Variants in CADM2 observed in about 807,000 individuals in gnomAD.
The protein encoded by CADM2 is immunoglobulin superfamily member 4D.
CADM2 carries 12 observed loss-of-function variants against 49.8 expected under a neutral mutation model. That is an observed-to-expected ratio of 0.24 (90% CI 0.15 to 0.39). The LOEUF (loss-of-function observed/expected upper bound fraction) is 0.39. Ranked by LOEUF, CADM2 falls within the 10% of genes least tolerant of loss-of-function variation. The pLI is 1.00. For synonymous variants in CADM2, 214 were observed against 175.4 expected, an observed-to-expected ratio of 1.22 and a Z score of -1.74; for missense variants, 378 against 492.3, an observed-to-expected ratio of 0.77 and a Z score of 2.20.
At chr3:85,924,749 T>C (rs1330884285) in intron 6 of CADM2, among the ~76,000 whole-genome samples, 4 of 152,180 alleles carry the variant, frequency 2.6e-5, no homozygotes, top group Non-Finnish European at 5.9e-5. Flanking sequence ...CTTCTATGCC[T>C]CTCCTAGATA....
At chr3:85,050,030 G>A (rs2035822092) in intron 1 of CADM2, among the ~76,000 whole-genome samples, 1 of 151,696 alleles carries the variant, frequency 6.6e-6, no homozygotes, top group Admixed American at 6.6e-5. Context: ...TCATTTCATC[G>A]GCCTTCTTGG....
At chr3:85,058,660 G>A (rs948993507) in intron 1 of CADM2, among the ~76,000 whole-genome samples, 1 of 151,782 alleles carries the variant, frequency 6.6e-6, no homozygotes, top group African/African-American at 2.4e-5. Flanking sequence ...GGTCAGGTTG[G>A]TCTCTAACTC....
In CADM2 at chr3:85,540,301, C is replaced by T. The variant is rs560607134; in HGVS notation, c.62-186221C>T. Among the ~76,000 whole-genome samples the T allele has an allele frequency of 1.4e-4, 21 of 152,238 alleles. No individual in the cohort carries two copies. In the South Asian group the frequency reaches 3.9e-3, roughly 29 times the overall value. On this transcript the variant is annotated intron_variant, in intron 1 of 9. Transcript: ENST00000383699. ...AACACACCAGAGCCTCTTAACAGTA[C>T]TCTACCTACCAAGTATTTTGACTTT...
intron 1 of CADM2, among the ~76,000 whole-genome samples, chr3:85,123,555 T>C (rs1489619175): frequency 6.6e-6 from 1 of 152,120 alleles, no homozygotes; most frequent in Non-Finnish European, 1.5e-5. Context: ...TTTAAGTATT[T>C]AGACATTTAT....
chr3:85,586,489 C>G (rs1437486044), intron 1 of CADM2, among the ~76,000 whole-genome samples: 1 of 152,068 alleles, frequency 6.6e-6, no homozygotes, highest in Admixed American at 6.6e-5. Context: ...TTTCATAATA[C>G]AGTTGCTATT....
At chr3:85,291,219 T>G (rs375877459) in intron 1 of CADM2, among the ~76,000 whole-genome samples, 53 of 151,888 alleles carry the variant, frequency 3.5e-4, no homozygotes, top group Admixed American at 7.9e-4. Flanking sequence ...GAAATGAAGC[T>G]AGAAGGGAAG....
At chr3:85,252,565 A>G (rs1257491133) in intron 1 of CADM2, among the ~76,000 whole-genome samples, 2 of 152,064 alleles carry the variant, frequency 1.3e-5, no homozygotes, top group Admixed American at 1.3e-4. Context: ...GGTGCATACT[A>G]CATTTCAGAT....
intron 2 of CADM2, among the ~76,000 whole-genome samples, chr3:85,765,201 A>G (rs986188877): frequency 5.9e-5 from 9 of 152,054 alleles, no homozygotes; most frequent in African/African-American, 2.2e-4. Context: ...TATTATTCTG[A>G]TGTCCTCTGG....
chr3:85,335,521 A>G (rs2600942), intron 1 of CADM2, among the ~76,000 whole-genome samples: 102,978 of 151,192 alleles, frequency 0.68, 35,901 homozygotes, highest in African/African-American at 0.82. Flanking sequence ...ACAAATTGGA[A>G]TTATTAGCAT....
chr3:85,161,728 A>C (rs1052212189), intron 1 of CADM2, among the ~76,000 whole-genome samples: 1 of 152,106 alleles, frequency 6.6e-6, no homozygotes, highest in African/African-American at 2.4e-5. Context: ...ATACAATAGA[A>C]ATTTCAAGGC....
intron 1 of CADM2, among the ~76,000 whole-genome samples, chr3:84,973,853 A>G (rs1259860022): frequency 6.6e-6 from 1 of 152,200 alleles, no homozygotes; most frequent in East Asian, 1.9e-4. Context: ...CTATACTAAC[A>G]TAATTTGGCT....
intron 8 of CADM2, among the ~76,000 whole-genome samples, chr3:86,040,721 A>G (rs1423207245): frequency 6.6e-6 from 1 of 152,190 alleles, no homozygotes; most frequent in Non-Finnish European, 1.5e-5. Flanking sequence ...AGATTCAGGA[A>G]ATACAGAGAA....
intron 1 of CADM2, among the ~76,000 whole-genome samples, chr3:85,249,352 C>G (rs1428225969): frequency 6.6e-6 from 1 of 151,942 alleles, no homozygotes; most frequent in Non-Finnish European, 1.5e-5. Flanking sequence ...TAACTAGTCC[C>G]AACCAGACTA....
intron 5 of CADM2, among the ~76,000 whole-genome samples, chr3:85,897,340 G>T (rs1715372236): frequency 7.8e-6 from 1 of 128,020 alleles, no homozygotes; most frequent in South Asian, 2.6e-4. Flanking sequence ...CGCAATCTCG[G>T]CTCACTGCAA....
At chr3:86,020,355 A>G (rs1258088001) in intron 8 of CADM2, among the ~76,000 whole-genome samples, 1 of 151,994 alleles carries the variant, frequency 6.6e-6, no homozygotes, top group Non-Finnish European at 1.5e-5. Context: ...ATAGCTTACC[A>G]ACCAAAAAGA....
chr3:85,718,892 T>C (rs1366038773), intron 1 of CADM2, among the ~76,000 whole-genome samples: 1 of 86,640 alleles, frequency 1.2e-5, no homozygotes, highest in Non-Finnish European at 3.1e-5. Flanking sequence ...TTTATTATTA[T>C]TATTATTATT....
At chr3:85,199,333 T>TTGTGTG (rs35067183) in intron 1 of CADM2, among the ~76,000 whole-genome samples, 4,749 of 134,368 alleles carry the variant, frequency 0.035, 92 homozygotes, top group South Asian at 0.048. Flanking sequence ...GTAACTCTCT[T>TTGTGTG]TGTGTGTGTG....
At chr3:85,953,308 G>A (rs1723669087) in intron 7 of CADM2, among the ~76,000 whole-genome samples, 1 of 150,800 alleles carries the variant, frequency 6.6e-6, no homozygotes, top group African/African-American at 2.4e-5. Context: ...ATCATATTAA[G>A]TGCTTTTAAC....
intron 1 of CADM2, among the ~76,000 whole-genome samples, chr3:85,274,198 T>C (rs765387959): frequency 4.6e-5 from 7 of 151,366 alleles, no homozygotes; most frequent in Non-Finnish European, 7.4e-5. Context: ...TAGTATAGCA[T>C]TTTTGAGGAG....
Sources: gnomAD v4.1 joint callset for allele counts (sites outside exome capture counted in the v4.1 genomes callset) on GRCh38, gnomAD v4.1.1 for gene constraint, MANE v1.5 for transcripts, NCBI Gene and HGNC (gene_info 2026-07-23, HGNC 2026-07-21) for gene names.